Variants in DLG2 observed in about 807,000 individuals in gnomAD.
The protein encoded by DLG2 is disks large homolog 2.
DLG2 carries 45 observed loss-of-function variants against 132.5 expected under a neutral mutation model. The observed-to-expected ratio is 0.34, with a 90% confidence interval of 0.27 to 0.44. DLG2 has a LOEUF of 0.44. Ranked by LOEUF, DLG2 falls within the 20% of genes least tolerant of loss-of-function variation. The pLI is 1.00. For missense variants in DLG2, 1,045 were observed against 1,196.9 expected (o/e 0.87, Z 1.87); for synonymous variants, 424 against 419.6 (o/e 1.01, Z -0.13).
chr11:84,689,503 AAAGAT>A (rs1254464565), intron 6 of DLG2, among the ~76,000 whole-genome samples: 6 of 152,112 alleles, frequency 3.9e-5, no homozygotes, highest in Admixed American at 3.3e-4. Flanking sequence ...TACTGGTGTG[AAAGAT>A]AAGAATGAAT....
chr11:84,106,811 ATCTG>A (rs1193876418), intron 9 of DLG2, among the ~76,000 whole-genome samples: 1 of 91,546 alleles, frequency 1.1e-5, no homozygotes, highest in Non-Finnish European at 2.6e-5. Flanking sequence ...GTAGATTATT[ATCTG>A]TGTGTGTGTG....
chr11:84,164,066 AC>A (rs2095607900), intron 8 of DLG2, among the ~76,000 whole-genome samples: 1 of 152,202 alleles, frequency 6.6e-6, no homozygotes, highest in East Asian at 1.9e-4. Context: ...GGACCATATA[AC>A]CATACCTATG....
chr11:83,462,816 A>T (rs1027793566), intron 26 of DLG2, among the ~76,000 whole-genome samples: 4 of 152,184 alleles, frequency 2.6e-5, no homozygotes, highest in African/African-American at 9.6e-5. Context: ...ATTATATATA[A>T]ATTTTTTTTA....
At chr11:84,854,647 T>C (rs1252235320) in intron 6 of DLG2, among the ~76,000 whole-genome samples, 1 of 152,022 alleles carries the variant, frequency 6.6e-6, no homozygotes, top group Admixed American at 6.6e-5. Flanking sequence ...CATTTTGAAA[T>C]TCAGTCACTT....
chr11:84,989,009 G>T (rs1162015921), intron 6 of DLG2, among the ~76,000 whole-genome samples: 1 of 151,726 alleles, frequency 6.6e-6, no homozygotes, highest in Non-Finnish European at 1.5e-5. Context: ...AAGGTCAGAG[G>T]ATACAAGATA....
At chr11:83,874,643 C>T (rs1405030666) in intron 15 of DLG2, among the ~76,000 whole-genome samples, 155 bp from the exon 16 acceptor site, 4 of 151,922 alleles carry the variant, frequency 2.6e-5, no homozygotes, top group African/African-American at 4.8e-5. Context: ...CCCATTAACT[C>T]GTCATTTAAC....
intron 3 of DLG2, among the ~76,000 whole-genome samples, chr11:85,424,382 T>C (rs900527616): frequency 1.3e-5 from 2 of 152,168 alleles, no homozygotes; most frequent in Non-Finnish European, 2.9e-5. Context: ...CAAGGCTTCA[T>C]ATGCTGCTCT....
At chr11:84,998,549 T>C (rs2057903079) in intron 6 of DLG2, among the ~76,000 whole-genome samples, 5 of 152,146 alleles carry the variant, frequency 3.3e-5, no homozygotes, top group African/African-American at 1.2e-4. Flanking sequence ...TCTCTGAATG[T>C]ATCTTTAGAA....
intron 6 of DLG2, among the ~76,000 whole-genome samples, chr11:85,039,344 T>G (rs1367461734): frequency 6.6e-6 from 1 of 151,964 alleles, no homozygotes; most frequent in African/African-American, 2.4e-5. Context: ...GTCTAGGTAG[T>G]TGATCAGTAC....
At chr11:84,872,566 A>C (rs1203516668) in intron 6 of DLG2, among the ~76,000 whole-genome samples, 1 of 152,222 alleles carries the variant, frequency 6.6e-6, no homozygotes, top group Non-Finnish European at 1.5e-5. Flanking sequence ...CAGTTTTATT[A>C]AGGAAGTCAT....
intron 18 of DLG2, among the ~76,000 whole-genome samples, chr11:83,684,237 C>T (rs1440542778): frequency 6.6e-6 from 1 of 152,068 alleles, no homozygotes; most frequent in African/African-American, 2.4e-5. Flanking sequence ...ATCTGATGAG[C>T]TCCTCCCGAT....
chr11:84,824,780 T>C (rs2078128071), intron 6 of DLG2, among the ~76,000 whole-genome samples: 1 of 151,864 alleles, frequency 6.6e-6, no homozygotes, highest in Non-Finnish European at 1.5e-5. Flanking sequence ...TGGCTCAGGC[T>C]TAAGTGTCGC....
intron 18 of DLG2, among the ~76,000 whole-genome samples, chr11:83,711,881 T>C (rs1461852568): frequency 6.6e-6 from 1 of 152,146 alleles, no homozygotes; most frequent in Non-Finnish European, 1.5e-5. Flanking sequence ...GAATTTATTT[T>C]TTACTAAGCT....
chr11:83,964,383 CAATAGCTAATGCAATGGGCAGGA>C (rs796824592), intron 13 of DLG2, among the ~76,000 whole-genome samples: 6 of 152,112 alleles, frequency 3.9e-5, no homozygotes, highest in African/African-American at 1.4e-4. Flanking sequence ...TTAAGAAAAG[CAATAGCTAATGCAATGGGCAGGA>C]AATAAAATTG....
chr11:84,042,256 G>A (rs907797971), intron 11 of DLG2, among the ~76,000 whole-genome samples: 1 of 151,590 alleles, frequency 6.6e-6, no homozygotes, highest in Admixed American at 6.6e-5. Context: ...TATGTGTCTT[G>A]TCTATTTTCA....
intron 3 of DLG2, among the ~76,000 whole-genome samples, chr11:85,391,454 T>C (rs1263473674): frequency 6.6e-6 from 1 of 151,994 alleles, no homozygotes. Context: ...CCAGTATCAC[T>C]AATAGCAAAA....
Position 85,121,162 on chromosome 11 carries a change from C to T in DLG2, c.283-9427G>A, listed in dbSNP as rs570486154. On this transcript the variant is annotated intron_variant, in intron 5 of 27. Coordinates refer to ENST00000376104, the MANE Select transcript of DLG2 (RefSeq NM_001142699.3). ...CCAGTATAAAAAAGTAGCCGAACTG[C>T]TGTGAACCTCTTCCTAGACAAGTTT... is the stretch of plus-strand genomic sequence containing the variant. Among the ~76,000 whole-genome samples the T allele has an allele frequency of 1.6e-4, 24 of 152,084 alleles. No homozygotes were observed. In the South Asian group the frequency reaches 5.0e-3, roughly 32 times the overall value.
At chr11:85,186,172 A>G (rs374575672) in intron 4 of DLG2, among the ~76,000 whole-genome samples, 17 of 152,092 alleles carry the variant, frequency 1.1e-4, no homozygotes, top group African/African-American at 3.4e-4. Context: ...ATGAACCACA[A>G]TTGTGAGCCA....
chr11:85,045,167 T>C (rs930790190), intron 6 of DLG2, among the ~76,000 whole-genome samples: 4 of 152,028 alleles, frequency 2.6e-5, no homozygotes, highest in African/African-American at 9.7e-5. Flanking sequence ...TTCCTCACTG[T>C]TGAGAGCAGG....
Sources: allele counts gnomAD v4.1 joint callset (sites outside exome capture counted in the v4.1 genomes callset), GRCh38; gene constraint gnomAD v4.1.1; transcripts MANE v1.5; gene names NCBI Gene and HGNC (gene_info 2026-07-23, HGNC 2026-07-21).